Variants in MGAT4B observed in about 807,000 individuals in gnomAD.
MGAT4B encodes alpha-1,3-mannosyl-glycoprotein 4-beta-N-acetylglucosaminyltransferase B, also known as N-acetylglucosaminyltransferase IVb.
MGAT4B carries 38 observed loss-of-function variants against 73.9 expected under a neutral mutation model. The ratio of observed to expected loss-of-function variants is 0.51; its 90% CI spans 0.40 to 0.67. The LOEUF is 0.67. Ranked by LOEUF, MGAT4B falls within the 30% of genes least tolerant of loss-of-function variation. The pLI is 0.00. For missense variants in MGAT4B, 686 were observed against 735.2 expected, an observed-to-expected ratio of 0.93 and a Z score of 0.77; for synonymous variants, 373 against 313.5, an observed-to-expected ratio of 1.19 and a Z score of -2.01.
Position 179,797,795 on chromosome 5 carries a change from CGG to C in MGAT4B, c.*248_*249del. On this transcript the variant is annotated 3_prime_UTR_variant, in exon 15 of 15. Transcript: ENST00000292591. ...CTAAAACGGCCTGACTGGGGCAGGC[CGG>C]GTGCGAACGGTTCCGGGCCTCAGGC... 2 of 471,710 alleles carry C rather than the reference CGG, an allele frequency of 4.2e-6. No individual in the cohort carries two copies. Among genetic ancestry groups the C allele is most frequent in the Non-Finnish European group, 7.4e-6 (2 of 268,584 alleles). 29.2% of individuals were successfully genotyped at this position (471,710 alleles called of 1,614,324 possible).
intron 1 of MGAT4B, chr5:179,802,991 C>T (rs947412474): frequency 2.0e-6 from 2 of 985,390 alleles, no homozygotes; most frequent in Non-Finnish European, 2.4e-6. Context: ...GCTTCACAGA[C>T]CCCAGAGTTG....
rs747719310 is a variant in MGAT4B at position 179,799,279 on chromosome 5, C to T, written c.1073G>A (p.Arg358Gln). 5.0e-6 allele frequency: 8 copies of T among 1,613,896 alleles called. No homozygotes were observed. The Admixed American group carries it at 5.0e-5, about 10-fold the overall frequency. ...GAAGAGGGACGGTTTGAAGCGGATCCGCAGGTTGGCTTTCTGCCGGTCACA... is the reference window on the plus strand; with the variant it reads ...GAAGAGGGACGGTTTGAAGCGGATCTGCAGGTTGGCTTTCTGCCGGTCACA... The part of the protein sequence containing the change: ...KHCDRQKANL[R>Q]IRFKPSLFQH... Residue 358 changes from arginine to glutamine, a missense_variant, in exon 10 of 15, where the codon CGG becomes CAG. This residue lies in a region of MGAT4B where 449 missense variants were observed against 536.8 expected (regional missense o/e 0.84). Transcript: ENST00000292591.
chr5:179,803,979 A>G (rs939069725), intron 1 of MGAT4B, among the ~76,000 whole-genome samples: 4 of 152,178 alleles, frequency 2.6e-5, no homozygotes, highest in African/African-American at 7.2e-5. Flanking sequence ...AACCCTCGGG[A>G]GCTGGGGAGG....
chr5:179,804,453 G>T (rs1028055981), intron 1 of MGAT4B, among the ~76,000 whole-genome samples: 5 of 152,246 alleles, frequency 3.3e-5, no homozygotes, highest in South Asian at 4.1e-4. Context: ...GCCTCCCTGG[G>T]CAGATCCTCA....
chr5:179,798,040 G>A lies in MGAT4B; in HGVS notation c.*5C>T, dbSNP rs761353290. 3.7e-6 allele frequency: 6 copies of A among 1,607,650 alleles called. No homozygotes were observed. In the Admixed American group the frequency reaches 8.4e-5, roughly 23 times the overall value. ...GGCCACAGGGTACCCTCAGAAGCCC[G>A]CAGCTTAGTCGGCCTTTTTCAGGAA... On this transcript the variant is annotated 3_prime_UTR_variant, in exon 15 of 15. Coordinates refer to ENST00000292591, the MANE Select transcript of MGAT4B (RefSeq NM_014275.5).
rs779297802 is a variant in MGAT4B, at chr5:179,801,364, C to G, written c.528G>C (p.Glu176Asp). Residue 176 changes from glutamate to aspartate, a missense_variant, in exon 4 of 15, where the codon GAG (glutamate) becomes GAC (aspartate). By Grantham distance (45) the Glu-to-Asp change is conservative. Around this residue, in one of 2 missense-constraint regions of MGAT4B, gnomAD observed 449 missense variants for 536.8 expected, o/e 0.84. Transcript: ENST00000292591. This position sits in a 1 kb window ranked among gnomAD's most constrained non-coding sequence, Gnocchi z 4.8. ...LISELSPQEK[E>D]DSVIVVLIAE... ...CGATCAGCACCACGATGACCGAGTC[C>G]TCCTTCTCCTGCGGGCTCAGCTCGG... The G allele has an allele frequency of 2.5e-6, 4 of 1,612,376 alleles. No individual in the cohort carries two copies. The highest frequency in any genetic ancestry group is 1.6e-4 in the Middle Eastern group (1 of 6,084).
rs1756904490 is a variant in MGAT4B, at chr5:179,801,120, G to C, written c.559-167C>G. 1 of 1,131,030 alleles carries C rather than the reference G, an allele frequency of 8.8e-7. No homozygotes were observed. Among genetic ancestry groups the C allele is most frequent in the African/African-American group, 1.6e-5 (1 of 64,342 alleles). The allele number at this position is 1,131,030 out of a possible 1,614,324, so 70.1% of individuals were successfully genotyped here. On this transcript the variant is annotated intron_variant, in intron 4 of 14. Coordinates refer to ENST00000292591, the MANE Select transcript of MGAT4B (RefSeq NM_014275.5). The surrounding 1 kb of genome is among the most constrained non-coding windows in gnomAD (Gnocchi z 4.8). ...CCCAGAGACGGCCCTTTCCCTTTGG[G>C]ACTCGCATGGCCAAGGACTAGGGGG... is the stretch of plus-strand genomic sequence containing the variant.
At position 179,801,772 on chromosome 5, in the gene MGAT4B, C is replaced by A. The variant is rs199899789; in HGVS notation, c.283+12G>T. The stretch of plus-strand genomic sequence containing the variant: ...CGCCCCCGCCTTTTCCCCCTCCCGC[C>A]CCAGACCTCACCTGTTAGGCGGCCC... On this transcript the variant is annotated intron_variant, in intron 2 of 14. Transcript: ENST00000292591. The surrounding 1 kb of genome is among the most constrained non-coding windows in gnomAD (Gnocchi z 4.8). The A allele has an allele frequency of 1.1e-5, 18 of 1,572,296 alleles. No homozygotes were observed. The African/African-American group carries it at 2.4e-4, about 21-fold the overall frequency.
chr5:179,799,968 T>C lies in MGAT4B; in HGVS notation c.896A>G (p.Gln299Arg), dbSNP rs1332231528. ...GAGGGGCACACCAATGAAGCCCAGC[T>C]GGGAGAACTCCAGGATCATCCAGTC... is the stretch of plus-strand genomic sequence containing the variant. ...SEDWMILEFSQLGFIGKMFKS... is the reference protein window; with the variant it reads ...SEDWMILEFSRLGFIGKMFKS... The change falls in exon 8 of 15, where the codon CAG becomes CGG. Residue 299 changes from glutamine (Q) to arginine (R), a missense_variant. Gln to Arg is a conservative substitution (Grantham distance 43). Around this residue, in one of 2 missense-constraint regions of MGAT4B, gnomAD observed 449 missense variants for 536.8 expected, o/e 0.84. Transcript: ENST00000292591. The C allele has an allele frequency of 6.2e-7, 1 of 1,613,796 alleles. No individual in the cohort carries two copies. The highest frequency in any genetic ancestry group is 1.7e-5 in the Admixed American group (1 of 60,022).
chr5:179,798,431 G>A lies in MGAT4B; in HGVS notation c.1426C>T (p.Pro476Ser), dbSNP rs1209297628. ...TSVEVLPFDN[P>S]QSDKEALQEG... ...TGCAGGGCCTCCTTGTCTGACTGAGGGTTCTGGGGGCAGAATCAAGGGCTG... is the reference window on the plus strand; with the variant it reads ...TGCAGGGCCTCCTTGTCTGACTGAGAGTTCTGGGGGCAGAATCAAGGGCTG... The change falls in exon 13 of 15, where the codon CCT becomes TCT. Residue 476 changes from proline to serine, a missense_variant. Physicochemically the swap from Pro to Ser is moderately conservative, Grantham distance 74. Coordinates refer to ENST00000292591, the MANE Select transcript of MGAT4B (RefSeq NM_014275.5). 2 of 1,612,620 alleles carry A rather than the reference G, an allele frequency of 1.2e-6. No individual in the cohort carries two copies. Among genetic ancestry groups the A allele is most frequent in the Admixed American group, 3.3e-5 (2 of 59,930 alleles).
At position 179,797,678 on chromosome 5, in the gene MGAT4B, A is replaced by G. The variant is rs1461950069; in HGVS notation, c.*367T>C. On this transcript the variant is annotated 3_prime_UTR_variant, in exon 15 of 15. Transcript: ENST00000292591. ...ATGTGGACTTACGTGAAAAAATCAA[A>G]TGTATCCAAGAATAAAAAACACAGC... The G allele has an allele frequency of 4.8e-6, 1 of 207,066 alleles. No homozygotes were observed. The highest frequency in any genetic ancestry group is 9.6e-6 in the Non-Finnish European group (1 of 104,158). 12.8% of individuals were successfully genotyped at this position (207,066 alleles called of 1,614,324 possible).
Position 179,801,891 on chromosome 5 carries a change from T to C in MGAT4B, c.176A>G (p.Lys59Arg), listed in dbSNP as rs78450232. Residue 59 changes from lysine to arginine, a missense_variant, in exon 2 of 15, where the codon AAG becomes AGG. By Grantham distance (26) the Lys-to-Arg change is conservative (BLOSUM62 2). This residue lies in a region of MGAT4B where 237 missense variants were observed against 198.5 expected (regional missense o/e 1.19). Transcript: ENST00000292591. This position sits in a 1 kb window ranked among gnomAD's most constrained non-coding sequence, Gnocchi z 4.8. ...RLHAAEQESL[K>R]RSKELNLVLD... ...CACCAGGTTGAGCTCCTTGGAGCGC[T>C]TGAGGCTCTCCTGCTCAGCTGCGTG... The C allele has an allele frequency of 7.1e-4, 1,139 of 1,613,168 alleles. 12 individuals carry two copies. In the East Asian group the frequency reaches 0.024, roughly 33 times the overall value.
chr5:179,800,504 C>A lies in MGAT4B; in HGVS notation c.699G>T (p.Gly233=). The change falls in exon 6 of 15, where the codon GGG becomes GGT. Residue 233 remains glycine (G), a synonymous_variant. Transcript: ENST00000292591. Reference sequence around the variant, plus strand: ...AGTACCTGACTCTCTCCTTGGGGTCCCCAAAGGACTCTCGGAGGCGGGAGA... The same window carrying A: ...AGTACCTGACTCTCTCCTTGGGGTCACCAAAGGACTCTCGGAGGCGGGAGA... ...PDFSRLRESF[G]DPKERVRWRT... is the part of the protein sequence containing the mutation. The A allele has an allele frequency of 6.2e-7, 1 of 1,609,128 alleles. No homozygotes were observed. Among genetic ancestry groups the A allele is most frequent in the Non-Finnish European group, 8.5e-7 (1 of 1,178,340 alleles).
At chr5:179,802,059 C>T in intron 1 of MGAT4B, 90 bp from the exon 2 acceptor site, 3 of 1,604,026 alleles carry the variant, frequency 1.9e-6, no homozygotes, top group South Asian at 1.1e-5. Context: ...TCTGGGTGTC[C>T]ACCTCTGCAA....
In MGAT4B at chr5:179,797,903, G is replaced by A. The variant is rs1015864956; in HGVS notation, c.*142C>T. 1.1e-5 allele frequency: 14 copies of A among 1,225,940 alleles called. No individual in the cohort carries two copies. The highest frequency in any genetic ancestry group is 7.2e-5 in the Admixed American group (3 of 41,914). 75.9% of individuals were successfully genotyped at this position (1,225,940 alleles called of 1,614,324 possible). ...CTCCTAGGGCCTCCGGGCCAGCGGCGGACCCCAGGCCGGCCCAAGCCCGAC... is the reference window on the plus strand; with the variant it reads ...CTCCTAGGGCCTCCGGGCCAGCGGCAGACCCCAGGCCGGCCCAAGCCCGAC... On this transcript the variant is annotated 3_prime_UTR_variant, in exon 15 of 15. Coordinates refer to ENST00000292591, the MANE Select transcript of MGAT4B (RefSeq NM_014275.5).
At chr5:179,799,886 G>T in intron 8 of MGAT4B, 68 bp downstream of exon 8, 1 of 1,446,788 alleles carries the variant, frequency 6.9e-7, no homozygotes. Context: ...GACACAGTGG[G>T]ACTGGGAGAG....
In MGAT4B at chr5:179,800,171, G is replaced by A; in HGVS notation, c.795+13C>T. On this transcript the variant is annotated intron_variant, in intron 7 of 14. Coordinates refer to ENST00000292591, the MANE Select transcript of MGAT4B (RefSeq NM_014275.5). ...GCAGGGCAGGGCAGGGCAACGCAGG[G>A]CTTGGGGCTGACCTGCACGTAGTAG... The A allele has an allele frequency of 1.2e-6, 2 of 1,613,532 alleles. No individual in the cohort carries two copies. The highest frequency in any genetic ancestry group is 8.5e-7 in the Non-Finnish European group (1 of 1,179,804).
rs1757178727 is a variant in MGAT4B at position 179,806,710 on chromosome 5, GC to G, written c.-128del. On this transcript the variant is annotated 5_prime_UTR_variant, in exon 1 of 15. Transcript: ENST00000292591. The surrounding 1 kb of genome is among the most constrained non-coding windows in gnomAD (Gnocchi z 4.6). ...GGCCCCGGCCCCGGGTCGGGGAGGG[GC>G]GGGGGGCCCGGGGCCGGGCGGGGAC... 5.0e-6 allele frequency: 1 copy of G among 200,552 alleles called. No homozygotes were observed. The highest frequency in any genetic ancestry group is 1.5e-4 in the South Asian group (1 of 6,546). 12.4% of individuals were successfully genotyped at this position (200,552 alleles called of 1,614,324 possible). A position where few individuals can be genotyped will look rare whatever the true frequency, so the allele number is the denominator to read the frequency against.
At position 179,801,607 on chromosome 5, in the gene MGAT4B, G is replaced by T. The variant is rs1429620225; in HGVS notation, c.371C>A (p.Ala124Asp). 6.2e-7 allele frequency: 1 copy of T among 1,607,730 alleles called. No homozygotes were observed. Among genetic ancestry groups the T allele is most frequent in the African/African-American group, 1.3e-5 (1 of 75,050 alleles). ...CGCGGGCTGCAGACTGCTCTCCTTG[G>T]CCAGCAGGTGTGGCAGGTGATGGAA... ...TVFHHLPHLL[A>D]KESSLQPAVR... Residue 124 changes from alanine to aspartate, a missense_variant, in exon 3 of 15, where the codon GCC becomes GAC. Transcript: ENST00000292591. This position sits in a 1 kb window ranked among gnomAD's most constrained non-coding sequence, Gnocchi z 4.8.
Sources: allele counts gnomAD v4.1 joint callset (sites outside exome capture counted in the v4.1 genomes callset), GRCh38; gene constraint gnomAD v4.1.1; regional missense constraint gnomAD v4.1.1; non-coding constraint Gnocchi (gnomAD v3.1); transcripts MANE v1.5; gene names NCBI Gene and HGNC (gene_info 2026-07-23, HGNC 2026-07-21).